The following LRRC4C variants were observed in gnomAD, a reference collection of about 807,000 sequenced individuals.
LRRC4C encodes leucine rich repeat containing 4C, also known as leucine-rich repeat-containing protein 4C.
Under a neutral mutation model 33.6 loss-of-function variants are expected in LRRC4C, and 5 were observed. That is an observed-to-expected ratio of 0.15 (90% confidence interval 0.08 to 0.31). LRRC4C has a LOEUF of 0.31. Ranked by LOEUF, LRRC4C falls within the 10% of genes least tolerant of loss-of-function variation. The pLI is 1.00. For synonymous variants in LRRC4C, 329 were observed against 302.0 expected, an observed-to-expected ratio of 1.09 and a Z score of -0.93; for missense variants, 560 against 796.7, an observed-to-expected ratio of 0.70 and a Z score of 3.58.
At chr11:41,373,239 A>T (rs1006709575) in intron 1 of LRRC4C, among the ~76,000 whole-genome samples, 1 of 152,106 alleles carries the variant, frequency 6.6e-6, no homozygotes, top group Admixed American at 6.5e-5. Flanking sequence ...TAGCATATAT[A>T]TACTGTATTT....
At chr11:40,621,131 T>C (rs1204597858) in intron 3 of LRRC4C, among the ~76,000 whole-genome samples, 16 of 151,798 alleles carry the variant, frequency 1.1e-4, no homozygotes, top group Admixed American at 1.1e-3. Flanking sequence ...AAACATCCTC[T>C]TAGACAGTCT....
intron 3 of LRRC4C, among the ~76,000 whole-genome samples, chr11:40,423,281 T>A (rs145117324): frequency 6.6e-6 from 1 of 151,614 alleles, no homozygotes; most frequent in African/African-American, 2.4e-5. Context: ...TGAGGAATTG[T>A]CCTCCAGGAT....
At chr11:40,118,141 AAAC>A (rs1206627838) in intron 6 of LRRC4C, among the ~76,000 whole-genome samples, 1 of 148,386 alleles carries the variant, frequency 6.7e-6, no homozygotes, top group Non-Finnish European at 1.5e-5. Context: ...TTTTAATATG[AAAC>A]AAATTACCAT....
At chr11:41,082,120 T>A (rs1057407286) in intron 1 of LRRC4C, among the ~76,000 whole-genome samples, 3 of 152,134 alleles carry the variant, frequency 2.0e-5, no homozygotes, top group Non-Finnish European at 4.4e-5. Flanking sequence ...CTCTGATTGA[T>A]GTGTGCACCT....
chr11:41,229,533 GT>G (rs1947690460), intron 1 of LRRC4C, among the ~76,000 whole-genome samples: 1 of 152,010 alleles, frequency 6.6e-6, no homozygotes. Flanking sequence ...TTTGTATTAG[GT>G]TTTTATTAAT....
intron 1 of LRRC4C, among the ~76,000 whole-genome samples, chr11:40,982,251 A>G (rs1323384756): frequency 6.6e-6 from 1 of 152,186 alleles, no homozygotes; most frequent in Admixed American, 6.5e-5. Flanking sequence ...GCTCAACCAT[A>G]TATCAACTAC....
intron 5 of LRRC4C, among the ~76,000 whole-genome samples, chr11:40,184,223 A>G (rs1489292581): frequency 2.0e-5 from 3 of 152,200 alleles, no homozygotes; most frequent in African/African-American, 7.2e-5. Context: ...ATGTGTATGT[A>G]GAGTATTCAA....
intron 2 of LRRC4C, among the ~76,000 whole-genome samples, chr11:40,789,864 G>A (rs768089401): frequency 6.6e-6 from 1 of 152,200 alleles, no homozygotes; most frequent in South Asian, 2.1e-4. Context: ...TCACACACAC[G>A]AGGCCATATT....
At chr11:41,131,305 C>G (rs1943000724) in intron 1 of LRRC4C, among the ~76,000 whole-genome samples, 1 of 151,964 alleles carries the variant, frequency 6.6e-6, no homozygotes, top group Non-Finnish European at 1.5e-5. Context: ...CTTCTGTCTT[C>G]TCTCCATTCA....
intron 6 of LRRC4C, among the ~76,000 whole-genome samples, chr11:40,128,473 C>T (rs1170100918): frequency 6.6e-6 from 1 of 152,192 alleles, no homozygotes; most frequent in Non-Finnish European, 1.5e-5. Context: ...AATTTCCCTA[C>T]TTTGGTTAAC....
intron 1 of LRRC4C, among the ~76,000 whole-genome samples, chr11:41,270,559 C>T (rs10768678): frequency 0.24 from 35,782 of 151,930 alleles, 4,946 homozygotes; most frequent in African/African-American, 0.39. Context: ...TCTTCACCCC[C>T]ACAGAAGATA....
chr11:40,616,521 C>T (rs995491280), intron 3 of LRRC4C, among the ~76,000 whole-genome samples: 22 of 151,728 alleles, frequency 1.4e-4, no homozygotes, highest in African/African-American at 4.8e-4. Flanking sequence ...AAATGTCCAA[C>T]AATGATAGAC....
chr11:40,729,927 T>C lies in LRRC4C; in HGVS notation c.-406-81649A>G, dbSNP rs1197891780. On this transcript the variant is annotated intron_variant, in intron 2 of 6. Coordinates refer to ENST00000528697, the MANE Select transcript of LRRC4C (RefSeq NM_001258419.2). ...TACACCATGGAATACTATGCAGCCA[T>C]AAAAAATGATGAGTTCATGTCCTTT... Among the ~76,000 whole-genome samples, 5 of 152,208 alleles carry C rather than the reference T, an allele frequency of 3.3e-5. 1 individual carries two copies. In the East Asian group the frequency reaches 7.7e-4, roughly 23 times the overall value.
chr11:41,198,601 G>C (rs1946278554), intron 1 of LRRC4C, among the ~76,000 whole-genome samples: 2 of 142,578 alleles, frequency 1.4e-5, no homozygotes, highest in South Asian at 5.0e-4. Flanking sequence ...CTTCTGACAA[G>C]AACAAGAAAT....
Position 41,071,365 on chromosome 11 carries a change from A to C in LRRC4C, c.-495-137642T>G, listed in dbSNP as rs547467054. 2.9e-4 allele frequency among the ~76,000 whole-genome samples: 44 copies of C among 152,268 alleles called. 1 individual carries two copies. In the South Asian group the frequency reaches 9.1e-3, roughly 32 times the overall value. On this transcript the variant is annotated intron_variant, in intron 1 of 6. Coordinates refer to ENST00000528697, the MANE Select transcript of LRRC4C (RefSeq NM_001258419.2). ...AAACCACCATGGCCCATGTATACCT[A>C]TGCTACAAACCTGCACATTCTGCAC...
intron 1 of LRRC4C, among the ~76,000 whole-genome samples, chr11:41,439,854 T>A (rs954457133): frequency 1.3e-5 from 2 of 152,168 alleles, no homozygotes; most frequent in African/African-American, 2.4e-5. Context: ...GAGGTTTTTT[T>A]AAATTGTTAA....
Position 40,645,032 on chromosome 11 carries a change from C to T in LRRC4C, c.-270+3110G>A, listed in dbSNP as rs1241355249. 3.3e-5 allele frequency among the ~76,000 whole-genome samples: 5 copies of T among 151,844 alleles called. No individual in the cohort carries two copies. The East Asian group carries it at 5.8e-4, about 18-fold the overall frequency. On this transcript the variant is annotated intron_variant, in intron 3 of 6. Coordinates refer to ENST00000528697, the MANE Select transcript of LRRC4C (RefSeq NM_001258419.2). ...AAAAATTCAGTCATCAGCAATATGA[C>T]ATCTACATATTTGTATCTCTACTGC...
chr11:40,955,460 A>C (rs1215771307), intron 1 of LRRC4C, among the ~76,000 whole-genome samples: 6 of 151,812 alleles, frequency 4.0e-5, no homozygotes, highest in Non-Finnish European at 1.5e-5. Context: ...TTGAAATAAA[A>C]AACCCTATTT....
At chr11:40,591,791 T>C (rs1344830760) in intron 3 of LRRC4C, among the ~76,000 whole-genome samples, 1 of 152,222 alleles carries the variant, frequency 6.6e-6, no homozygotes, top group Admixed American at 6.5e-5. Flanking sequence ...TTATTTCTTG[T>C]AAATGCCTAT....
Sources: allele counts gnomAD v4.1 joint callset (sites outside exome capture counted in the v4.1 genomes callset), GRCh38; gene constraint gnomAD v4.1.1; transcripts MANE v1.5; gene names NCBI Gene and HGNC (gene_info 2026-07-23, HGNC 2026-07-21).